RARB: variants seen among roughly 807,000 people sequenced by gnomAD.
The protein encoded by RARB is HBV-activated protein.
Under a neutral mutation model 51.9 loss-of-function variants are expected in RARB, and 17 were observed. That is an observed-to-expected ratio of 0.33 (90% CI 0.22 to 0.49). The LOEUF is 0.49. Among genes scored for constraint, RARB ranks in the 20% least tolerant of loss-of-function variants. RARB has a pLI of 0.99. For missense variants in RARB, 369 were observed against 550.8 expected (o/e 0.67, Z 3.30); for synonymous variants, 215 against 195.4 (o/e 1.10, Z -0.84).
chr3:25,452,722 A>G (rs192358054), intron 1 of RARB, among the ~76,000 whole-genome samples: 1 of 152,290 alleles, frequency 6.6e-6, no homozygotes, highest in Admixed American at 6.5e-5. Flanking sequence ...CTCATTTATA[A>G]AGTCTGAAAG....
chr3:25,088,582 A>G (rs1016424460), intron 3 of RARB, among the ~76,000 whole-genome samples: 1 of 152,150 alleles, frequency 6.6e-6, no homozygotes. Flanking sequence ...ATGGGAGGCC[A>G]TTAATCATGG....
chr3:25,228,948 C>T, intron 5 of RARB, among the ~76,000 whole-genome samples: 1 of 152,114 alleles, frequency 6.6e-6, no homozygotes, highest in Admixed American at 6.6e-5. Context: ...TGTTTCGCCT[C>T]CTCTACAATA....
At chr3:25,174,897 G>A (rs1700713615) in intron 5 of RARB, among the ~76,000 whole-genome samples, 1 of 152,220 alleles carries the variant, frequency 6.6e-6, no homozygotes, top group Non-Finnish European at 1.5e-5. Context: ...AATAATGGAA[G>A]CAGTGAATTA....
chr3:25,191,540 T>A (rs549431718), intron 5 of RARB, among the ~76,000 whole-genome samples: 366 of 152,254 alleles, frequency 2.4e-3, no homozygotes, highest in African/African-American at 8.5e-3. Flanking sequence ...AATGGACAGC[T>A]ATGAATTTTC....
chr3:25,171,643 T>TAAAAAAAAAAAAAAAAAAAAAAA (rs770248970), intron 4 of RARB, among the ~76,000 whole-genome samples: 7 of 45,468 alleles, frequency 1.5e-4, no homozygotes, highest in Admixed American at 3.4e-4. Flanking sequence ...CCCTGGTTGG[T>TAAAAAAAAAAAAAAAAAAAAAAA]AAAAAAAAAA....
At chr3:25,396,716 T>G (rs1023897632) in intron 5 of RARB, among the ~76,000 whole-genome samples, 2 of 152,066 alleles carry the variant, frequency 1.3e-5, no homozygotes, top group African/African-American at 4.8e-5. Context: ...GCTGTGGCGC[T>G]GTGGAGATGG....
At position 25,177,205 on chromosome 3, in the gene RARB, C is replaced by G. The variant is rs553933592; in HGVS notation, c.178+2630C>G. Among the ~76,000 whole-genome samples, 4 of 152,260 alleles carry G rather than the reference C, an allele frequency of 2.6e-5. No individual in the cohort carries two copies. The South Asian group carries it at 8.3e-4, about 32-fold the overall frequency. On this transcript the variant is annotated intron_variant, in intron 5 of 11. Coordinates refer to the RARB transcript ENST00000383772. ...ATGAATATGACTCTGTTAGTTGGCC[C>G]TCAAAGAAGGAATTGTCCTTGTTAA... is the stretch of plus-strand genomic sequence containing the variant.
At chr3:25,182,928 C>G (rs1700890813) in intron 5 of RARB, among the ~76,000 whole-genome samples, 1 of 152,022 alleles carries the variant, frequency 6.6e-6, no homozygotes, top group African/African-American at 2.4e-5. Flanking sequence ...GAGCTAGCTG[C>G]CAAAAGCCAA....
chr3:25,018,031 C>T (rs1697553301), intron 2 of RARB, among the ~76,000 whole-genome samples: 1 of 152,156 alleles, frequency 6.6e-6, no homozygotes, highest in Admixed American at 6.5e-5. Flanking sequence ...ACTACCCAGC[C>T]TCCAGAACTG....
At chr3:25,033,123 A>G (rs1200399827) in intron 2 of RARB, among the ~76,000 whole-genome samples, 1 of 152,186 alleles carries the variant, frequency 6.6e-6, no homozygotes, top group Non-Finnish European at 1.5e-5. Flanking sequence ...TTTAAAATGG[A>G]GAGACAATAT....
intron 1 of RARB, among the ~76,000 whole-genome samples, chr3:25,454,115 A>C (rs1694763093): frequency 6.6e-6 from 1 of 152,216 alleles, no homozygotes. Context: ...CCCGTGCCCC[A>C]AATGTTTGGA....
intron 1 of RARB, among the ~76,000 whole-genome samples, chr3:24,840,821 C>A (rs1379365635): frequency 2.7e-5 from 4 of 150,718 alleles, no homozygotes; most frequent in African/African-American, 9.7e-5. Flanking sequence ...ACAACCACTT[C>A]CAAATCACTT....
intron 3 of RARB, among the ~76,000 whole-genome samples, chr3:25,515,106 T>C (rs150955909): frequency 2.0e-5 from 3 of 152,334 alleles, no homozygotes; most frequent in East Asian, 1.9e-4. Flanking sequence ...CCCCACATTC[T>C]TAAGGATAAT....
chr3:25,118,316 CA>C (rs1699724749), intron 3 of RARB, among the ~76,000 whole-genome samples: 1 of 152,074 alleles, frequency 6.6e-6, no homozygotes, highest in South Asian at 2.1e-4. Context: ...TCATCAGGTT[CA>C]ACCTGATGTG....
chr3:25,172,351 C>T (rs1267255242), intron 4 of RARB, among the ~76,000 whole-genome samples: 1 of 152,152 alleles, frequency 6.6e-6, no homozygotes, highest in Non-Finnish European at 1.5e-5. Flanking sequence ...CGAGGGCTTA[C>T]TCTGTGACAT....
intron 2 of RARB, among the ~76,000 whole-genome samples, chr3:25,491,812 G>A (rs971696945): frequency 5.9e-5 from 9 of 152,004 alleles, no homozygotes; most frequent in Non-Finnish European, 1.0e-4. Flanking sequence ...GTGGTGGCAG[G>A]TGCCTGTGAT....
intron 5 of RARB, among the ~76,000 whole-genome samples, chr3:25,191,251 A>T (rs1353117006): frequency 1.3e-5 from 2 of 152,148 alleles, no homozygotes; most frequent in Non-Finnish European, 2.9e-5. Context: ...AAATACTTGG[A>T]CATTGCTTGT....
At chr3:24,860,099 T>C (rs1467529265) in intron 2 of RARB, among the ~76,000 whole-genome samples, 3 of 152,186 alleles carry the variant, frequency 2.0e-5, no homozygotes, top group East Asian at 1.9e-4. Context: ...TCTTGTATTA[T>C]GTTCATGTTA....
At chr3:25,068,176 A>AAAAAAAT (rs1698701231) in intron 3 of RARB, among the ~76,000 whole-genome samples, 2 of 122,152 alleles carry the variant, frequency 1.6e-5, no homozygotes, top group East Asian at 2.6e-4. Flanking sequence ...AAAAAAAAAA[A>AAAAAAAT]TCTTAAGGAT....
Sources: gnomAD v4.1 joint callset for allele counts (sites outside exome capture counted in the v4.1 genomes callset) on GRCh38, gnomAD v4.1.1 for gene constraint, MANE v1.5 for transcripts, NCBI Gene and HGNC (gene_info 2026-07-23, HGNC 2026-07-21) for gene names.